The following BMP5 variants were observed in gnomAD, a reference collection of about 807,000 sequenced individuals.
BMP5 encodes the protein bone morphogenetic protein 5.
A neutral mutation model predicts 46.6 loss-of-function variants in BMP5; 23 were observed. The ratio of observed to expected loss-of-function variants is 0.49; its 90% CI spans 0.35 to 0.70. The LOEUF (loss-of-function observed/expected upper bound fraction) is 0.70, where lower values mean the gene tolerates loss of function less well. Among genes scored for constraint, BMP5 ranks in the 30% least tolerant of loss-of-function variants. BMP5 has a pLI of 0.00. For missense variants in BMP5, 545 were observed against 565.6 expected (o/e 0.96, Z 0.37); for synonymous variants, 204 against 191.9 (o/e 1.06, Z -0.52).
intron 1 of BMP5, among the ~76,000 whole-genome samples, chr6:55,868,498 G>A (rs1777701943): frequency 6.6e-6 from 1 of 152,108 alleles, no homozygotes; most frequent in Non-Finnish European, 1.5e-5. Context: ...TTTGATTTAT[G>A]GGGTTTTTTG....
At chr6:55,766,041 T>C (rs1185387872) in intron 4 of BMP5, among the ~76,000 whole-genome samples, 1 of 152,114 alleles carries the variant, frequency 6.6e-6, no homozygotes, top group Non-Finnish European at 1.5e-5. Context: ...GGCCAGAAAA[T>C]TTAATAAGCT....
At chr6:55,802,876 T>C (rs1168010046) in intron 2 of BMP5, among the ~76,000 whole-genome samples, 2 of 151,430 alleles carry the variant, frequency 1.3e-5, no homozygotes, top group African/African-American at 4.9e-5. Context: ...TAATCACATA[T>C]TTCAGTATTG....
intron 1 of BMP5, among the ~76,000 whole-genome samples, chr6:55,839,710 A>C (rs1398287848): frequency 6.6e-6 from 1 of 152,174 alleles, no homozygotes; most frequent in Non-Finnish European, 1.5e-5. Flanking sequence ...TTTCTTTACC[A>C]ATATTGTTGC....
intron 1 of BMP5, among the ~76,000 whole-genome samples, chr6:55,833,504 G>A (rs1456310089): frequency 6.6e-6 from 1 of 152,072 alleles, no homozygotes; most frequent in Non-Finnish European, 1.5e-5. Flanking sequence ...GCTTTTGAAG[G>A]AAACCAGCAA....
At chr6:55,814,314 G>A (rs527915207) in intron 2 of BMP5, among the ~76,000 whole-genome samples, 1 of 152,026 alleles carries the variant, frequency 6.6e-6, no homozygotes, top group Non-Finnish European at 1.5e-5. Flanking sequence ...ATATAGTTCT[G>A]TAAACTAACA....
At chr6:55,820,504 A>G (rs1227666599) in intron 1 of BMP5, among the ~76,000 whole-genome samples, 1 of 151,632 alleles carries the variant, frequency 6.6e-6, no homozygotes, top group Admixed American at 6.6e-5. Context: ...TGACGCCTGG[A>G]CCTCCCAGGC....
chr6:55,873,407 G>T (rs1013215159), intron 1 of BMP5, among the ~76,000 whole-genome samples: 5 of 151,628 alleles, frequency 3.3e-5, no homozygotes, highest in African/African-American at 1.2e-4. Flanking sequence ...AAATATATTC[G>T]ATGTTATTTT....
At chr6:55,860,085 G>A (rs1245431421) in intron 1 of BMP5, among the ~76,000 whole-genome samples, 1 of 152,084 alleles carries the variant, frequency 6.6e-6, no homozygotes, top group Non-Finnish European at 1.5e-5. Flanking sequence ...GACCAGCCTG[G>A]GCAATATAGG....
At chr6:55,764,313 C>T (rs7745479) in intron 4 of BMP5, among the ~76,000 whole-genome samples, 28,814 of 152,106 alleles carry the variant, frequency 0.19, 2,973 homozygotes, top group Non-Finnish European at 0.24. Context: ...GTGTCTCACA[C>T]CTGTAATCCC....
At chr6:55,828,426 C>G (rs1776581332) in intron 1 of BMP5, among the ~76,000 whole-genome samples, 1 of 151,642 alleles carries the variant, frequency 6.6e-6, no homozygotes, top group African/African-American at 2.4e-5. Context: ...TCTATTATCC[C>G]CTTTAACAGC....
At chr6:55,803,335 G>A (rs183183333) in intron 2 of BMP5, among the ~76,000 whole-genome samples, 4 of 152,028 alleles carry the variant, frequency 2.6e-5, no homozygotes, top group Non-Finnish European at 4.4e-5. Context: ...ACAGGAAGAA[G>A]TTATGAATGG....
At chr6:55,849,686 A>G (rs1777177771) in intron 1 of BMP5, among the ~76,000 whole-genome samples, 1 of 152,086 alleles carries the variant, frequency 6.6e-6, no homozygotes, top group African/African-American at 2.4e-5. Flanking sequence ...ATTTTATTAT[A>G]TGTAAGATGA....
chr6:55,795,929 G>A (rs909406187), intron 2 of BMP5, among the ~76,000 whole-genome samples: 4 of 152,130 alleles, frequency 2.6e-5, no homozygotes, highest in Admixed American at 2.6e-4. Context: ...ACTAGAATTT[G>A]TAGAACCCTT....
At chr6:55,819,893 T>A in intron 1 of BMP5, 46 bp from the exon 2 acceptor site, 1 of 1,451,480 alleles carries the variant, frequency 6.9e-7, no homozygotes, top group Non-Finnish European at 9.7e-7. Flanking sequence ...TAGTCTTTTA[T>A]AAAATATGGA....
At chr6:55,755,731 C>A in intron 6 of BMP5, 49 bp from the exon 7 acceptor site, 1 of 1,543,822 alleles carries the variant, frequency 6.5e-7, no homozygotes, top group East Asian at 2.3e-5. Flanking sequence ...AATATACATT[C>A]TTTTGCAGTT....
intron 1 of BMP5, among the ~76,000 whole-genome samples, chr6:55,855,854 T>C (rs1777381480): frequency 6.6e-6 from 1 of 152,232 alleles, no homozygotes; most frequent in South Asian, 2.1e-4. Flanking sequence ...CTGTTTATTT[T>C]AAATAGCTCT....
chr6:55,780,470 A>AAAAAAAAGG (rs1554181020), intron 3 of BMP5, among the ~76,000 whole-genome samples: 1 of 131,718 alleles, frequency 7.6e-6, no homozygotes, highest in Non-Finnish European at 1.6e-5. Context: ...AAAAAAAAAA[A>AAAAAAAAGG]AAAGAAAGAA....
chr6:55,840,051 C>T (rs899853217), intron 1 of BMP5, among the ~76,000 whole-genome samples: 5 of 152,066 alleles, frequency 3.3e-5, no homozygotes, highest in Admixed American at 6.6e-5. Context: ...GATGAAATCA[C>T]AGTTCGCCTC....
intron 3 of BMP5, among the ~76,000 whole-genome samples, chr6:55,792,491 G>A (rs183893994): frequency 2.3e-4 from 32 of 141,986 alleles, no homozygotes; most frequent in East Asian, 4.2e-4. Flanking sequence ...CCGAGATTGC[G>A]CCACTGCACT....
Sources: allele counts gnomAD v4.1 joint callset (sites outside exome capture counted in the v4.1 genomes callset), GRCh38; gene constraint gnomAD v4.1.1; transcripts MANE v1.5; gene names NCBI Gene and HGNC (gene_info 2026-07-23, HGNC 2026-07-21).